COL1A2: variants seen among roughly 807,000 people sequenced by gnomAD.
The protein encoded by COL1A2 is collagen type I alpha 2 chain.
COL1A2 carries 49 observed loss-of-function variants against 174.3 expected under a neutral mutation model. That is an observed-to-expected ratio of 0.28 (90% CI 0.22 to 0.36). The LOEUF (loss-of-function observed/expected upper bound fraction) is 0.36. COL1A2 is among the 10% of genes least tolerant of loss of function. The pLI is 1.00. For synonymous variants in COL1A2, 655 were observed against 606.6 expected (o/e 1.08, Z -1.17); for missense variants, 1,438 against 1,822.7 (o/e 0.79, Z 3.84).
At chr7:94,395,331 G>A (rs923641407) in intron 1 of COL1A2, 23 of 617,006 alleles carry the variant, frequency 3.7e-5, no homozygotes, top group African/African-American at 3.7e-4. Flanking sequence ...AGTTCAGAGT[G>A]AGACAGTTAA....
At chr7:94,404,463 A>G (rs1791752350) in intron 6 of COL1A2, 93 bp from the exon 7 acceptor site, 1 of 1,325,924 alleles carries the variant, frequency 7.5e-7, no homozygotes, top group Non-Finnish European at 1.1e-6. Flanking sequence ...TCAAACCACA[A>G]CAATGGCACT....
At chr7:94,419,146 G>A (rs370415164) in intron 33 of COL1A2, among the ~76,000 whole-genome samples, 1 of 150,382 alleles carries the variant, frequency 6.6e-6, no homozygotes, top group Non-Finnish European at 1.5e-5. Context: ...TAGCACATCT[G>A]TAATAGTCTT....
chr7:94,428,145 T>G (rs546171777), intron 49 of COL1A2, 148 bp from the exon 50 acceptor site: 1 of 846,880 alleles, frequency 1.2e-6, no homozygotes, highest in South Asian at 1.5e-5. Flanking sequence ...CTGTCTAATC[T>G]TAAAAATAGC....
intron 40 of COL1A2, chr7:94,423,371 C>T (rs1351045133): frequency 4.1e-6 from 2 of 492,094 alleles, no homozygotes; most frequent in African/African-American, 3.9e-5. Flanking sequence ...CTATTGAAGG[C>T]ACCTTACTGG....
intron 32 of COL1A2, among the ~76,000 whole-genome samples, 200 bp from the exon 33 acceptor site, chr7:94,418,299 A>T (rs1441540795): frequency 6.6e-6 from 1 of 152,204 alleles, no homozygotes; most frequent in Non-Finnish European, 1.5e-5. Context: ...ATAATCTGGA[A>T]ATGGCCTTGA....
At chr7:94,414,890 A>T (rs1260823926) in intron 29 of COL1A2, among the ~76,000 whole-genome samples, 1 of 152,234 alleles carries the variant, frequency 6.6e-6, no homozygotes, top group Non-Finnish European at 1.5e-5. Context: ...ACGATCTGTT[A>T]TACAGCTAAA....
Position 94,419,513 on chromosome 7 carries a change from G to C in COL1A2, c.2041G>C (p.Val681Leu). The C allele has an allele frequency of 6.2e-7, 1 of 1,614,106 alleles. No individual in the cohort carries two copies. The highest frequency in any genetic ancestry group is 8.5e-7 in the Non-Finnish European group (1 of 1,179,998). ...RDGARGAPGA[V>L]GAPGPAGATG... The stretch of plus-strand genomic sequence containing the variant: ...TTGGTACTAGGGTGCTCCTGGTGCT[G>C]TAGGTGCCCCTGGTCCTGCTGGAGC... Residue 681 changes from valine (V) to leucine (L), a missense_variant, in exon 34 of 52, where the codon GTA becomes CTA. This residue lies in a region of COL1A2 where 867 missense variants were observed against 1,213.7 expected (regional missense o/e 0.71). Transcript: ENST00000297268.
At position 94,410,881 on chromosome 7, in the gene COL1A2, T is replaced by C. The variant is rs769888724; in HGVS notation, c.1198-8T>C. 22 of 1,613,890 alleles carry C rather than the reference T, an allele frequency of 1.4e-5. No individual in the cohort carries two copies. The highest frequency in any genetic ancestry group is 1.8e-5 in the Non-Finnish European group (21 of 1,179,812). On this transcript the variant is annotated splice_polypyrimidine_tract_variant and splice_region_variant and intron_variant, in intron 21 of 51. Transcript: ENST00000297268. Reference sequence around the variant, plus strand: ...TTAATTCTCTCTATTTCATGTACTTTCTTGCAGGGTAGTCCTGGTTCTCGT... The same window carrying C: ...TTAATTCTCTCTATTTCATGTACTTCCTTGCAGGGTAGTCCTGGTTCTCGT...
In COL1A2 at chr7:94,428,468, T is replaced by C. The variant is rs1263547431; in HGVS notation, c.3702T>C (p.Ala1234=). Reference sequence around the variant, plus strand: ...TCTGGCTAGGAGAAACTATCAATGCTGGCAGCCAGGTGAGGAATCCCACAA... The same window carrying C: ...TCTGGCTAGGAGAAACTATCAATGCCGGCAGCCAGGTGAGGAATCCCACAA... The part of the protein sequence containing the change: ...KHVWLGETIN[A]GSQFEYNVEG... The change falls in exon 50 of 52, where the codon GCT becomes GCC. Residue 1234 remains alanine (A), a synonymous_variant. Transcript: ENST00000297268. 1.2e-6 allele frequency: 2 copies of C among 1,613,836 alleles called. No homozygotes were observed. Among genetic ancestry groups the C allele is most frequent in the East Asian group, 2.2e-5 (1 of 44,864 alleles).
chr7:94,420,281 A>G lies in COL1A2; in HGVS notation c.2128A>G (p.Ser710Gly), dbSNP rs1481663803. ...GPAGPAGPRG[S>G]PGERGEVGPA... Reference sequence around the variant, plus strand: ...TGCTGGTCCTGCTGGTCCTCGGGGAAGCCCTGTAAGTAAGAACCTGGGTCA... The same window carrying G: ...TGCTGGTCCTGCTGGTCCTCGGGGAGGCCCTGTAAGTAAGAACCTGGGTCA... Residue 710 changes from serine to glycine, a missense_variant, in exon 35 of 52, where the codon AGC becomes GGC. Physicochemically the swap from Ser to Gly is moderately conservative, Grantham distance 56. This residue lies in a region of COL1A2 where 867 missense variants were observed against 1,213.7 expected (regional missense o/e 0.71). Transcript: ENST00000297268. 6.2e-7 allele frequency: 1 copy of G among 1,613,716 alleles called. No homozygotes were observed. The highest frequency in any genetic ancestry group is 8.5e-7 in the Non-Finnish European group (1 of 1,179,962).
At chr7:94,408,733 G>A in intron 15 of COL1A2, 37 bp from the exon 16 acceptor site, 3 of 1,609,396 alleles carry the variant, frequency 1.9e-6, no homozygotes, top group South Asian at 2.2e-5. Context: ...TAATTTACTT[G>A]GAGGAAATTT....
Position 94,411,097 on chromosome 7 carries a change from C to T in COL1A2, c.1293C>T (p.Val431=). 2 of 1,603,546 alleles carry T rather than the reference C, an allele frequency of 1.2e-6. No individual in the cohort carries two copies. The highest frequency in any genetic ancestry group is 1.7e-6 in the Non-Finnish European group (2 of 1,175,332). The change falls in exon 23 of 52, where the codon GTC becomes GTT. Residue 431 remains valine, a synonymous_variant. Coordinates refer to ENST00000297268, the MANE Select transcript of COL1A2 (RefSeq NM_000089.4). ...GTGGTGCAAGTGGCCCTGCTGGAGTCCGAGGACCTAATGGAGATGCTGGTC... is the reference window on the plus strand; with the variant it reads ...GTGGTGCAAGTGGCCCTGCTGGAGTTCGAGGACCTAATGGAGATGCTGGTC... ...GSRGASGPAG[V]RGPNGDAGRP... is the part of the protein sequence containing the mutation.
In COL1A2 at chr7:94,420,252, G is replaced by C; in HGVS notation, c.2099G>C (p.Gly700Ala). The stretch of plus-strand genomic sequence containing the variant: ...TTATAGGGCGAAGCTGGGGCTGCTG[G>C]TCCTGCTGGTCCTGCTGGTCCTCGG... ...TGDRGEAGAAGPAGPAGPRGS... is the reference protein window; with the variant it reads ...TGDRGEAGAAAPAGPAGPRGS... The change falls in exon 35 of 52, where the codon GGT (glycine) becomes GCT (alanine). Residue 700 changes from glycine (G) to alanine (A), a missense_variant. Coordinates refer to ENST00000297268, the MANE Select transcript of COL1A2 (RefSeq NM_000089.4). 2 of 1,613,652 alleles carry C rather than the reference G, an allele frequency of 1.2e-6. No individual in the cohort carries two copies. The highest frequency in any genetic ancestry group is 2.2e-5 in the East Asian group (1 of 44,874).
Position 94,423,044 on chromosome 7 carries a change from A to C in COL1A2, c.2491A>C (p.Thr831Pro), listed in dbSNP as rs776573099. ...PRGDQGPVGR[T>P]GEVGAVGPPG... is the part of the protein sequence containing the mutation. Reference sequence around the variant, plus strand: ...TGGTGACCAAGGTCCAGTTGGCCGAACTGGAGAAGTAGGTGCAGTTGGTCC... The same window carrying C: ...TGGTGACCAAGGTCCAGTTGGCCGACCTGGAGAAGTAGGTGCAGTTGGTCC... Residue 831 changes from threonine (T) to proline (P), a missense_variant, in exon 40 of 52, where the codon ACT becomes CCT. Physicochemically the swap from Thr to Pro is conservative, Grantham distance 38. Around this residue, in one of 3 missense-constraint regions of COL1A2, gnomAD observed 867 missense variants for 1,213.7 expected, o/e 0.71. Transcript: ENST00000297268. The C allele has an allele frequency of 6.2e-7, 1 of 1,614,104 alleles. No individual in the cohort carries two copies. The highest frequency in any genetic ancestry group is 1.1e-5 in the South Asian group (1 of 91,072).
chr7:94,412,385 T>A (rs945473602), intron 24 of COL1A2, among the ~76,000 whole-genome samples, 199 bp from the exon 25 acceptor site: 1 of 151,508 alleles, frequency 6.6e-6, no homozygotes, highest in Non-Finnish European at 1.5e-5. Context: ...GGAAATTGCA[T>A]ACATACGAGA....
Position 94,400,256 on chromosome 7 carries a change from C to T in COL1A2, c.193C>T (p.Pro65Ser). ...EDGPTGPPGP[P>S]GPPGPPGLGG... ...TGGTCCCACAGGCCCTCCTGGTCCA[C>T]CTGGTCCTCCTGGCCCCCCTGGTCT... Residue 65 changes from proline (P) to serine (S), a missense_variant, in exon 5 of 52, where the codon CCT (proline) becomes TCT (serine). Pro to Ser is a moderately conservative substitution (Grantham distance 74, BLOSUM62 -1). Around this residue, in one of 3 missense-constraint regions of COL1A2, gnomAD observed 281 missense variants for 310.9 expected, o/e 0.90. Coordinates refer to ENST00000297268, the MANE Select transcript of COL1A2 (RefSeq NM_000089.4). 1.2e-6 allele frequency: 2 copies of T among 1,613,246 alleles called. No homozygotes were observed. Among genetic ancestry groups the T allele is most frequent in the Non-Finnish European group, 1.7e-6 (2 of 1,179,848 alleles).
chr7:94,407,343 C>CACTACTACTACT (rs139122565), intron 12 of COL1A2, among the ~76,000 whole-genome samples: 13,473 of 149,286 alleles, frequency 0.09, 707 homozygotes, highest in Middle Eastern at 0.15. Context: ...TATTAAATCC[C>CACTACTACTACT]ACTACTACTA....
rs1791976911 is a variant in COL1A2 at position 94,413,567 on chromosome 7, CA to C, written c.1558-121del. 3 of 969,310 alleles carry C rather than the reference CA, an allele frequency of 3.1e-6. No individual in the cohort carries two copies. The African/African-American group carries it at 4.8e-5, about 16-fold the overall frequency. 60.0% of individuals were successfully genotyped at this position (969,310 alleles called of 1,614,324 possible). A position where few individuals can be genotyped will look rare whatever the true frequency, so the allele number is the denominator to read the frequency against. ...GTATTTGGGCTTTCGTGGGAACCCA[CA>C]ATGAGTTTAATTCATGCTAAAATGA... is the stretch of plus-strand genomic sequence containing the variant. On this transcript the variant is annotated intron_variant, in intron 26 of 51. Coordinates refer to ENST00000297268, the MANE Select transcript of COL1A2 (RefSeq NM_000089.4).
At position 94,408,393 on chromosome 7, in the gene COL1A2, A is replaced by T. The variant is rs764690839; in HGVS notation, c.738+13A>T. Reference sequence around the variant, plus strand: ...CGTGGGTCCTGCTGTAAGTTTTGACACTGGGGAGTTTGAAAGGAGTTGAGA... The same window carrying T: ...CGTGGGTCCTGCTGTAAGTTTTGACTCTGGGGAGTTTGAAAGGAGTTGAGA... On this transcript the variant is annotated intron_variant, in intron 15 of 51. Transcript: ENST00000297268. The T allele has an allele frequency of 6.2e-7, 1 of 1,614,044 alleles. No individual in the cohort carries two copies. Among genetic ancestry groups the T allele is most frequent in the Non-Finnish European group, 8.5e-7 (1 of 1,179,976 alleles).
Sources: gnomAD v4.1 joint callset for allele counts (sites outside exome capture counted in the v4.1 genomes callset) on GRCh38, gnomAD v4.1.1 for gene constraint, gnomAD v4.1.1 regional missense constraint, MANE v1.5 for transcripts, NCBI Gene and HGNC (gene_info 2026-07-23, HGNC 2026-07-21) for gene names.